DEPDC1B: variants seen among roughly 807,000 people sequenced by gnomAD.
DEPDC1B encodes DEP domain-containing protein 1B.
Under a neutral mutation model 66.5 loss-of-function variants are expected in DEPDC1B, and 51 were observed. That is an observed-to-expected ratio of 0.77 (90% CI 0.61 to 0.97). The LOEUF is 0.97. Among genes scored for constraint, DEPDC1B ranks in the 50% least tolerant of loss-of-function variants. The probability of loss-of-function intolerance (pLI) is 0.00; values close to 1 mark genes in which losing one functional copy is unlikely to be tolerated. For synonymous variants in DEPDC1B, 226 were observed against 223.6 expected (o/e 1.01, Z -0.10); for missense variants, 552 against 637.1 (o/e 0.87, Z 1.44).
intron 7 of DEPDC1B, among the ~76,000 whole-genome samples, chr5:60,612,421 TAAA>T (rs564965370): frequency 3.1e-5 from 3 of 97,282 alleles, no homozygotes; most frequent in Non-Finnish European, 2.1e-5. Flanking sequence ...AGACTCCACC[TAAA>T]AAAAAAAAAA....
chr5:60,606,218 C>T (rs1032901213), intron 7 of DEPDC1B, among the ~76,000 whole-genome samples: 3 of 152,118 alleles, frequency 2.0e-5, no homozygotes, highest in Admixed American at 6.6e-5. Flanking sequence ...AGAACGTGAA[C>T]GTGTCATCAC....
Position 60,650,139 on chromosome 5 carries a change from C to A in DEPDC1B, c.315-2606G>T, listed in dbSNP as rs1753411125. ...GCTGAGATGAGAGGATCACTTGAAG[C>A]CAGGAGTTCAAGACCAGCCTGGGCA... On this transcript the variant is annotated intron_variant, in intron 2 of 10. Coordinates refer to ENST00000265036, the MANE Select transcript of DEPDC1B (RefSeq NM_018369.3). Among the ~76,000 whole-genome samples, 3 of 151,366 alleles carry A rather than the reference C, an allele frequency of 2.0e-5. No individual in the cohort carries two copies. The South Asian group carries it at 6.3e-4, about 32-fold the overall frequency.
chr5:60,619,963 C>G (rs1224093838), intron 7 of DEPDC1B, among the ~76,000 whole-genome samples: 1 of 152,118 alleles, frequency 6.6e-6, no homozygotes, highest in Non-Finnish European at 1.5e-5. Flanking sequence ...TGGAACAGAA[C>G]AGAGCCCTCA....
intron 8 of DEPDC1B, among the ~76,000 whole-genome samples, chr5:60,604,713 G>A (rs1752275258): frequency 6.6e-6 from 1 of 152,120 alleles, no homozygotes; most frequent in Non-Finnish European, 1.5e-5. Context: ...AGACACACAG[G>A]CAGAGAATTT....
chr5:60,660,183 G>C (rs562397209), intron 2 of DEPDC1B, among the ~76,000 whole-genome samples: 1 of 151,592 alleles, frequency 6.6e-6, no homozygotes, highest in East Asian at 1.9e-4. Flanking sequence ...GAGAGACAGA[G>C]AGGAGAGAGA....
intron 7 of DEPDC1B, among the ~76,000 whole-genome samples, chr5:60,627,191 G>A (rs1416000473): frequency 2.0e-5 from 3 of 152,022 alleles, no homozygotes; most frequent in Admixed American, 2.0e-4. Flanking sequence ...CTTCCCCATT[G>A]CTGGATGATT....
At chr5:60,631,401 AG>A (rs1354851979) in intron 7 of DEPDC1B, among the ~76,000 whole-genome samples, 2 of 152,228 alleles carry the variant, frequency 1.3e-5, no homozygotes, top group Non-Finnish European at 2.9e-5. Context: ...ATTTCTTCTC[AG>A]GGAAATGACA....
At chr5:60,688,187 G>T (rs1257596987) in intron 1 of DEPDC1B, among the ~76,000 whole-genome samples, 1 of 152,120 alleles carries the variant, frequency 6.6e-6, no homozygotes, top group Non-Finnish European at 1.5e-5. Context: ...CCTTTGAAAA[G>T]TGATGAGCCA....
chr5:60,665,456 C>T (rs1753815642), intron 2 of DEPDC1B, among the ~76,000 whole-genome samples: 1 of 152,198 alleles, frequency 6.6e-6, no homozygotes, highest in South Asian at 2.1e-4. Context: ...AAAATCAAAG[C>T]TGTAAAACTA....
At chr5:60,615,487 C>A (rs1438483522) in intron 7 of DEPDC1B, among the ~76,000 whole-genome samples, 2 of 152,220 alleles carry the variant, frequency 1.3e-5, no homozygotes, top group Non-Finnish European at 2.9e-5. Context: ...AAATGGCACA[C>A]CAGGAGATTA....
At chr5:60,652,468 T>C (rs766656971) in intron 2 of DEPDC1B, among the ~76,000 whole-genome samples, 5 of 149,286 alleles carry the variant, frequency 3.3e-5, no homozygotes, top group Non-Finnish European at 7.4e-5. Flanking sequence ...TCTCCAGAGC[T>C]GGTTTCTGTT....
chr5:60,598,196 CTT>C (rs1752134455), intron 10 of DEPDC1B, among the ~76,000 whole-genome samples: 1 of 152,126 alleles, frequency 6.6e-6, no homozygotes, highest in African/African-American at 2.4e-5. Flanking sequence ...TTCAAAATAA[CTT>C]CTGTTCTACA....
intron 2 of DEPDC1B, among the ~76,000 whole-genome samples, chr5:60,682,053 C>T (rs371642705): frequency 9.7e-4 from 147 of 152,066 alleles, no homozygotes; most frequent in African/African-American, 3.3e-3. Flanking sequence ...AAAACTTTCT[C>T]GATTTGAAGA....
Position 60,687,185 on chromosome 5 carries a change from G to T in DEPDC1B, c.91C>A (p.Arg31=), listed in dbSNP as rs780638515. 22 of 1,613,448 alleles carry T rather than the reference G, an allele frequency of 1.4e-5. No individual in the cohort carries two copies. In the South Asian group the frequency reaches 2.2e-4, roughly 16 times the overall value. The stretch of plus-strand genomic sequence containing the variant: ...CTCTTGAAACGACAGCGATGTTTCC[G>T]TAACGGCATCTTAGCACGAAAAAGC... The part of the protein sequence containing the change: ...VELFRAKMPL[R]KHRCRFKSYE... The change falls in exon 2 of 11, where the codon CGG becomes AGG. Residue 31 remains arginine (R), a synonymous_variant. Transcript: ENST00000265036.
chr5:60,605,730 T>A lies in DEPDC1B; in HGVS notation c.1025A>T (p.Glu342Val), dbSNP rs374146430. Residue 342 changes from glutamate (E) to valine (V), a missense_variant, in exon 8 of 11, where the codon GAG becomes GTG. Coordinates refer to ENST00000265036, the MANE Select transcript of DEPDC1B (RefSeq NM_018369.3). ...AAAGCCATCACACAGGGGTGGCATC[T>A]CTTTGTTTAAGCAAATCCTTGCCAT... ...RMMARICLNK[E>V]MPPLCDGFGT... 6.2e-7 allele frequency: 1 copy of A among 1,613,248 alleles called. No individual in the cohort carries two copies. The highest frequency in any genetic ancestry group is 8.5e-7 in the Non-Finnish European group (1 of 1,179,492).
At chr5:60,629,082 A>C (rs286155) in intron 7 of DEPDC1B, among the ~76,000 whole-genome samples, 83,552 of 151,996 alleles carry the variant, frequency 0.55, 23,152 homozygotes, top group Admixed American at 0.6. Context: ...CAGCTCCGGT[A>C]CCTGGCCCTG....
At chr5:60,695,207 A>G (rs1180201986) in intron 1 of DEPDC1B, among the ~76,000 whole-genome samples, 1 of 152,138 alleles carries the variant, frequency 6.6e-6, no homozygotes, top group East Asian at 1.9e-4. Flanking sequence ...ACACTGGGTA[A>G]TTTATAAAGG....
rs913773424 is a variant in DEPDC1B, at chr5:60,687,345, T to C, written c.49-118A>G. 23 of 1,251,244 alleles carry C rather than the reference T, an allele frequency of 1.8e-5. No individual in the cohort carries two copies. The Middle Eastern group carries it at 6.0e-4, about 32-fold the overall frequency. 77.5% of individuals were successfully genotyped at this position (1,251,244 alleles called of 1,614,324 possible). A position where few individuals can be genotyped will look rare whatever the true frequency, so the allele number is the denominator to read the frequency against. On this transcript the variant is annotated intron_variant, in intron 1 of 10. Transcript: ENST00000265036. ...CCACTTAAACTGCTTTAATAACAGG[T>C]AGAGCCTTGAAAATGTTTTATTTAC... is the stretch of plus-strand genomic sequence containing the variant.
intron 1 of DEPDC1B, among the ~76,000 whole-genome samples, chr5:60,693,104 T>A (rs1325798891): frequency 1.3e-5 from 2 of 152,128 alleles, no homozygotes; most frequent in Non-Finnish European, 2.9e-5. Flanking sequence ...AGTTGTACAC[T>A]TTTTATACAA....
Sources: gnomAD v4.1 joint callset for allele counts (sites outside exome capture counted in the v4.1 genomes callset) on GRCh38, gnomAD v4.1.1 for gene constraint, MANE v1.5 for transcripts, NCBI Gene and HGNC (gene_info 2026-07-23, HGNC 2026-07-21) for gene names.